The following ADAMTS18 variants were observed in gnomAD, a reference collection of about 807,000 sequenced individuals.
The protein encoded by ADAMTS18 is ADAM metallopeptidase with thrombospondin type 1 motif 18.
Under a neutral mutation model 165.9 loss-of-function variants are expected in ADAMTS18, and 157 were observed. The ratio of observed to expected loss-of-function variants is 0.95; its 90% CI spans 0.83 to 1.08. The LOEUF (loss-of-function observed/expected upper bound fraction) is 1.08. Ranked by LOEUF, ADAMTS18 falls within the 50% of genes least tolerant of loss-of-function variation. The pLI, the probability that ADAMTS18 is intolerant of heterozygous loss-of-function variation, is 0.00. For missense variants in ADAMTS18, 2,040 were observed against 1,534.0 expected (o/e 1.33, Z -5.51); for synonymous variants, 782 against 578.2 (o/e 1.35, Z -5.06).
At chr16:77,376,888 C>T (rs1380481907) in intron 3 of ADAMTS18, among the ~76,000 whole-genome samples, 1 of 144,564 alleles carries the variant, frequency 6.9e-6, no homozygotes, top group Non-Finnish European at 1.5e-5. Flanking sequence ...GATCTCAGCT[C>T]ACTGAAACCT....
chr16:77,345,358 T>C (rs777259285), intron 10 of ADAMTS18, among the ~76,000 whole-genome samples: 7 of 152,188 alleles, frequency 4.6e-5, no homozygotes, highest in Non-Finnish European at 1.5e-5. Context: ...TGGTAAAAAA[T>C]CCTAGAGTCA....
In ADAMTS18 at chr16:77,363,891, G is replaced by T; in HGVS notation, c.973-6C>A. ...TCTTTAAATAGGCCAGAAACCTGTT[G>T]GAACAATGGAAATCAAACAAAATCT... is the stretch of plus-strand genomic sequence containing the variant. On this transcript the variant is annotated splice_region_variant and splice_polypyrimidine_tract_variant and intron_variant, in intron 5 of 22. Coordinates refer to ENST00000282849, the MANE Select transcript of ADAMTS18 (RefSeq NM_199355.4). The T allele has an allele frequency of 6.2e-7, 1 of 1,613,496 alleles. No individual in the cohort carries two copies. Among genetic ancestry groups the T allele is most frequent in the Non-Finnish European group, 8.5e-7 (1 of 1,179,700 alleles).
chr16:77,339,862 A>G (rs2056372262), intron 11 of ADAMTS18, among the ~76,000 whole-genome samples: 1 of 151,134 alleles, frequency 6.6e-6, no homozygotes, highest in Admixed American at 6.6e-5. Flanking sequence ...GTTAAAAATT[A>G]CAAGTCTTTT....
At chr16:77,378,928 T>G (rs554770374) in intron 3 of ADAMTS18, 6 of 152,204 alleles carry the variant, frequency 3.9e-5, no homozygotes, top group Non-Finnish European at 7.3e-5. Flanking sequence ...GCATAAATAT[T>G]CTTTCAGTTT....
intron 6 of ADAMTS18, among the ~76,000 whole-genome samples, chr16:77,363,530 TTATC>T (rs55929198): frequency 0.29 from 43,556 of 150,436 alleles, 7,216 homozygotes; most frequent in East Asian, 0.57. Context: ...TTTATTTATA[TTATC>T]TATTTGTATA....
chr16:77,394,213 G>A (rs1011728782), intron 3 of ADAMTS18, among the ~76,000 whole-genome samples: 2 of 152,220 alleles, frequency 1.3e-5, no homozygotes, highest in African/African-American at 4.8e-5. Context: ...TTTAAATGCA[G>A]TCTAGTCCAT....
intron 16 of ADAMTS18, among the ~76,000 whole-genome samples, chr16:77,316,259 AT>A (rs34042252): frequency 0.61 from 89,257 of 147,300 alleles, 27,166 homozygotes; most frequent in Non-Finnish European, 0.66. Context: ...GCCTGGTTGA[AT>A]TTTTTTTTTT....
chr16:77,336,054 T>C, intron 11 of ADAMTS18, 150 bp from the exon 12 acceptor site: 1 of 939,894 alleles, frequency 1.1e-6, no homozygotes, highest in African/African-American at 1.6e-5. Context: ...TGCTGTGCTC[T>C]AAAAACACTC....
chr16:77,395,158 T>C (rs895664104), intron 3 of ADAMTS18, among the ~76,000 whole-genome samples: 15 of 152,100 alleles, frequency 9.9e-5, no homozygotes, highest in African/African-American at 3.6e-4. Flanking sequence ...AAATTCACAT[T>C]TGGGGAAACT....
intron 20 of ADAMTS18, 31 bp from the exon 21 acceptor site, chr16:77,291,509 A>G (rs752736156): frequency 6.2e-7 from 1 of 1,605,322 alleles, no homozygotes; most frequent in Non-Finnish European, 8.5e-7. Flanking sequence ...TGTAAAAGTG[A>G]AGACTGCCAG....
At chr16:77,286,303 C>G (rs2055249712) in intron 22 of ADAMTS18, among the ~76,000 whole-genome samples, 1 of 152,120 alleles carries the variant, frequency 6.6e-6, no homozygotes, top group Non-Finnish European at 1.5e-5. Flanking sequence ...TATTTCCTCA[C>G]CCCTTCACCC....
At chr16:77,290,897 C>A in intron 21 of ADAMTS18, 1 of 270,072 alleles carries the variant, frequency 3.7e-6, no homozygotes, top group East Asian at 1.1e-4. Flanking sequence ...GATGTAAGAA[C>A]CAAATGAGTA....
chr16:77,336,546 A>T (rs1021819522), intron 11 of ADAMTS18, among the ~76,000 whole-genome samples: 1 of 152,184 alleles, frequency 6.6e-6, no homozygotes, highest in Admixed American at 6.5e-5. Context: ...TCCTTTGTCT[A>T]CATAAAAGGT....
chr16:77,352,897 A>G (rs949498538), intron 10 of ADAMTS18, among the ~76,000 whole-genome samples: 6 of 152,056 alleles, frequency 3.9e-5, no homozygotes, highest in African/African-American at 1.4e-4. Flanking sequence ...TCACGAGGTC[A>G]GGAGATCAAG....
At chr16:77,320,199 T>A in intron 15 of ADAMTS18, 106 bp from the exon 16 acceptor site, 1 of 1,334,786 alleles carries the variant, frequency 7.5e-7, no homozygotes, top group Non-Finnish European at 1.1e-6. Flanking sequence ...GTGAGGTTTT[T>A]AAATCATTAT....
At chr16:77,289,496 C>T in intron 21 of ADAMTS18, 85 bp from the exon 22 acceptor site, 1 of 1,506,562 alleles carries the variant, frequency 6.6e-7, no homozygotes, top group Admixed American at 1.7e-5. Flanking sequence ...TGCTTCATGA[C>T]ATTAACAAGA....
At chr16:77,370,576 C>T (rs1355048831) in intron 3 of ADAMTS18, among the ~76,000 whole-genome samples, 2 of 152,024 alleles carry the variant, frequency 1.3e-5, no homozygotes, top group African/African-American at 2.4e-5. Context: ...ATGGTGAAAC[C>T]ATGTCTCTAC....
intron 16 of ADAMTS18, among the ~76,000 whole-genome samples, chr16:77,307,862 C>G (rs1038516674): frequency 6.6e-6 from 1 of 152,142 alleles, no homozygotes; most frequent in African/African-American, 2.4e-5. Context: ...CACAAAGGAG[C>G]TGGATGACAA....
Position 77,303,683 on chromosome 16 carries a change from GA to G in ADAMTS18, c.2533-3280del, listed in dbSNP as rs2055628779. Among the ~76,000 whole-genome samples the G allele has an allele frequency of 2.6e-5, 4 of 152,144 alleles. No homozygotes were observed. In the South Asian group the frequency reaches 8.3e-4, roughly 32 times the overall value. On this transcript the variant is annotated intron_variant, in intron 16 of 22. Coordinates refer to ENST00000282849, the MANE Select transcript of ADAMTS18 (RefSeq NM_199355.4). The stretch of plus-strand genomic sequence containing the variant: ...GGGAGAAGTGATATCCCCCAGTGGA[GA>G]AGATGAGACAGATTCATATATTAAA...
Sources: allele counts gnomAD v4.1 joint callset (sites outside exome capture counted in the v4.1 genomes callset), GRCh38; gene constraint gnomAD v4.1.1; transcripts MANE v1.5; gene names NCBI Gene and HGNC (gene_info 2026-07-23, HGNC 2026-07-21).